CDH13: variants seen among roughly 807,000 people sequenced by gnomAD.
The protein encoded by CDH13 is cadherin-13.
In CDH13, 24 loss-of-function variants were observed where a neutral mutation model predicts 63.8. The ratio of observed to expected loss-of-function variants is 0.38; its 90% confidence interval spans 0.27 to 0.53. The LOEUF is 0.53. Ranked by LOEUF, CDH13 falls within the 20% of genes least tolerant of loss-of-function variation. The pLI, the probability that CDH13 is intolerant of heterozygous loss-of-function variation, is 0.85. For missense variants in CDH13, 1,049 were observed against 903.1 expected (o/e 1.16, Z -2.07); for synonymous variants, 503 against 355.3 (o/e 1.42, Z -4.67).
At chr16:82,913,692 A>T (rs994102413) in intron 2 of CDH13, among the ~76,000 whole-genome samples, 3 of 151,992 alleles carry the variant, frequency 2.0e-5, no homozygotes, top group Non-Finnish European at 4.4e-5. Flanking sequence ...GGGAGGAGGG[A>T]CCACTGAGGT....
At chr16:83,069,210 C>T (rs1200038068) in intron 3 of CDH13, among the ~76,000 whole-genome samples, 1 of 152,166 alleles carries the variant, frequency 6.6e-6, no homozygotes, top group South Asian at 2.1e-4. Context: ...AATCAGTGGT[C>T]TCAATGTCAT....
intron 1 of CDH13, among the ~76,000 whole-genome samples, chr16:82,785,051 C>G (rs988874946): frequency 6.6e-6 from 1 of 152,122 alleles, no homozygotes; most frequent in African/African-American, 2.4e-5. Context: ...AAGAATGTAG[C>G]ATGATCAGCT....
chr16:83,408,597 A>T (rs1290586228), intron 6 of CDH13, among the ~76,000 whole-genome samples: 2 of 152,238 alleles, frequency 1.3e-5, no homozygotes, highest in Non-Finnish European at 2.9e-5. Context: ...GGAAAGCTCG[A>T]TTATAATCTA....
At chr16:82,639,314 C>A in intron 1 of CDH13, 1 of 1,380,440 alleles carries the variant, frequency 7.2e-7, no homozygotes, top group Non-Finnish European at 9.9e-7. Context: ...AGGGTCAGCC[C>A]GGGGTCATTT....
At chr16:82,975,192 G>C (rs1417577975) in intron 2 of CDH13, among the ~76,000 whole-genome samples, 1 of 152,230 alleles carries the variant, frequency 6.6e-6, no homozygotes, top group Non-Finnish European at 1.5e-5. Context: ...TTGGGGCCCT[G>C]GCTGCTGTGG....
intron 3 of CDH13, among the ~76,000 whole-genome samples, chr16:83,107,683 C>T (rs1405001389): frequency 6.6e-6 from 1 of 150,720 alleles, no homozygotes; most frequent in Non-Finnish European, 1.5e-5. Context: ...TTCTCTTTCT[C>T]TCTGTGTATT....
chr16:82,823,652 C>T (rs1339490341), intron 1 of CDH13: 1 of 151,936 alleles, frequency 6.6e-6, no homozygotes, highest in East Asian at 1.9e-4. Context: ...AAAGTATTTT[C>T]AATAATACTG....
intron 1 of CDH13, among the ~76,000 whole-genome samples, chr16:82,629,735 A>G (rs1315126047): frequency 6.6e-6 from 1 of 152,190 alleles, no homozygotes; most frequent in Non-Finnish European, 1.5e-5. Flanking sequence ...TCTAAGCAAC[A>G]ATGACTGGAA....
At chr16:82,900,714 G>C (rs972093085) in intron 2 of CDH13, among the ~76,000 whole-genome samples, 4 of 152,174 alleles carry the variant, frequency 2.6e-5, no homozygotes, top group Admixed American at 6.5e-5. Flanking sequence ...AGGTCAAGAG[G>C]CGAGCCTGGG....
At chr16:83,339,952 A>G (rs549502020) in intron 5 of CDH13, among the ~76,000 whole-genome samples, 28 of 152,308 alleles carry the variant, frequency 1.8e-4, no homozygotes, top group Admixed American at 7.8e-4. Flanking sequence ...TTTCATCTCA[A>G]TGGAGGAAAA....
chr16:83,748,183 G>T lies in CDH13; in HGVS notation c.1614G>T (p.Val538=). ...ATGGGACTGTTGACACCACAGCTGT[G>T]CTGGACCGTGAGTCCCCATTTGTCG... The part of the protein sequence containing the change: ...PINGTVDTTA[V]LDRESPFVDN... Residue 538 remains valine (V), a synonymous_variant, in exon 11 of 14, where the codon GTG becomes GTT. Transcript: ENST00000567109. 1 of 1,613,900 alleles carries T rather than the reference G, an allele frequency of 6.2e-7. No individual in the cohort carries two copies. Among genetic ancestry groups the T allele is most frequent in the Non-Finnish European group, 8.5e-7 (1 of 1,179,820 alleles).
intron 6 of CDH13, among the ~76,000 whole-genome samples, chr16:83,346,083 A>G (rs921569847): frequency 3.3e-5 from 5 of 152,154 alleles, no homozygotes; most frequent in Non-Finnish European, 5.9e-5. Context: ...GCACTGCATC[A>G]GATCCCCCAA....
chr16:83,398,607 C>G (rs2091922323), intron 6 of CDH13, among the ~76,000 whole-genome samples: 2 of 148,702 alleles, frequency 1.3e-5, no homozygotes, highest in Non-Finnish European at 3.0e-5. Context: ...TTTTAGGGAG[C>G]CACCATTCAA....
chr16:83,220,451 A>G (rs1238925790), intron 5 of CDH13, among the ~76,000 whole-genome samples: 2 of 152,172 alleles, frequency 1.3e-5, no homozygotes, highest in South Asian at 2.1e-4. Flanking sequence ...TTCAAAGAGG[A>G]GAATCCTGGG....
intron 2 of CDH13, among the ~76,000 whole-genome samples, chr16:82,969,044 T>G (rs1309130119): frequency 6.6e-6 from 1 of 152,150 alleles, no homozygotes; most frequent in Non-Finnish European, 1.5e-5. Context: ...GAGGCAGAAG[T>G]TGCAGTAAGC....
chr16:83,344,738 A>G, intron 5 of CDH13, 124 bp from the exon 6 acceptor site: 1 of 1,031,766 alleles, frequency 9.7e-7, no homozygotes, highest in Admixed American at 2.3e-5. Context: ...TCTGAGACCA[A>G]AATTTCAATA....
rs955932216 is a variant in CDH13, at chr16:83,799,765, A to G, written c.*4735A>G. The G allele has an allele frequency of 2.0e-5, 3 of 152,230 alleles. No individual in the cohort carries two copies. Among genetic ancestry groups the G allele is most frequent in the African/African-American group, 7.2e-5 (3 of 41,456 alleles). The allele number at this position is 152,230 out of a possible 1,614,324, so 9.4% of individuals were successfully genotyped here. The stretch of plus-strand genomic sequence containing the variant: ...ATCTAACACAATTAACAATTCTTTT[A>G]CTATATGCAATGTGTTACCCTTACT... On this transcript the variant is annotated 3_prime_UTR_variant, in exon 14 of 14. Transcript: ENST00000567109.
chr16:83,027,899 C>G (rs1434038545), intron 2 of CDH13, among the ~76,000 whole-genome samples: 5 of 152,316 alleles, frequency 3.3e-5, no homozygotes, highest in Admixed American at 6.5e-5. Flanking sequence ...TGATGTCTGT[C>G]TTCCACATTA....
intron 6 of CDH13, among the ~76,000 whole-genome samples, chr16:83,433,797 AAG>A (rs1005161929): frequency 1.3e-5 from 2 of 152,212 alleles, no homozygotes; most frequent in Middle Eastern, 3.2e-3. Context: ...TGCAGCAGAT[AAG>A]AGTGTTTAAA....
Sources: gnomAD v4.1 joint callset for allele counts (sites outside exome capture counted in the v4.1 genomes callset) on GRCh38, gnomAD v4.1.1 for gene constraint, MANE v1.5 for transcripts, NCBI Gene and HGNC (gene_info 2026-07-23, HGNC 2026-07-21) for gene names.